Variants in DAPK1 observed in about 807,000 individuals in gnomAD.
DAPK1 encodes the protein death-associated protein kinase 1.
DAPK1 carries 56 observed loss-of-function variants against 144.9 expected under a neutral mutation model. The ratio of observed to expected loss-of-function variants is 0.39; its 90% CI spans 0.31 to 0.48. The LOEUF is 0.48. DAPK1 is among the 20% of genes least tolerant of loss of function. The pLI, the probability that DAPK1 is intolerant of heterozygous loss-of-function variation, is 0.95. For synonymous variants in DAPK1, 690 were observed against 749.0 expected, an observed-to-expected ratio of 0.92 and a Z score of 1.29; for missense variants, 1,454 against 1,875.4, an observed-to-expected ratio of 0.78 and a Z score of 4.15.
chr9:87,680,074 AT>A (rs1450869973), intron 19 of DAPK1, among the ~76,000 whole-genome samples: 39 of 151,470 alleles, frequency 2.6e-4, no homozygotes, highest in African/African-American at 9.4e-4. Context: ...TTAGTAATAT[AT>A]TAATATTTTA....
At chr9:87,576,956 A>G (rs1827584846) in intron 2 of DAPK1, among the ~76,000 whole-genome samples, 2 of 152,230 alleles carry the variant, frequency 1.3e-5, no homozygotes, top group Admixed American at 6.5e-5. Context: ...ATGGAAACAC[A>G]GGATCCAGCC....
At position 87,648,881 on chromosome 9, in the gene DAPK1, T is replaced by C; in HGVS notation, c.1428+2T>C. On this transcript the variant is annotated splice_donor_variant, in intron 15 of 25. Coordinates refer to ENST00000408954, the MANE Select transcript of DAPK1 (RefSeq NM_004938.4). LOFTEE classifies it high-confidence loss of function. ...TCAAATCCCAATATCCAGGACAAGG[T>C]GGGTCGTGACTGACATCCTCCCTTC... 6.2e-7 allele frequency: 1 copy of C among 1,613,656 alleles called. No individual in the cohort carries two copies. The highest frequency in any genetic ancestry group is 8.5e-7 in the Non-Finnish European group (1 of 1,179,536).
intron 19 of DAPK1, among the ~76,000 whole-genome samples, chr9:87,677,638 G>A (rs990368990): frequency 5.9e-5 from 9 of 152,182 alleles, no homozygotes; most frequent in East Asian, 1.9e-4. Flanking sequence ...AAGCAGACTC[G>A]GGCCGGTACC....
intron 23 of DAPK1, among the ~76,000 whole-genome samples, chr9:87,699,576 G>A (rs539193030): frequency 9.2e-5 from 14 of 152,132 alleles, no homozygotes; most frequent in African/African-American, 3.4e-4. Context: ...TTTACTCAGA[G>A]TCTATCAAAA....
At chr9:87,592,633 G>A (rs1247799073) in intron 2 of DAPK1, among the ~76,000 whole-genome samples, 2 of 152,142 alleles carry the variant, frequency 1.3e-5, no homozygotes, top group Non-Finnish European at 2.9e-5. Flanking sequence ...TCCTGGCCGT[G>A]GTGGATACAG....
At position 87,707,929 on chromosome 9, in the gene DAPK1, G is replaced by C; in HGVS notation, c.*565G>C. On this transcript the variant is annotated 3_prime_UTR_variant, in exon 26 of 26. Coordinates refer to ENST00000408954, the MANE Select transcript of DAPK1 (RefSeq NM_004938.4). The surrounding 1 kb of genome is among the most constrained non-coding windows in gnomAD (Gnocchi z 4.0). ...AGAAGAGGGTGTGTTTGAAATCATC[G>C]GAGTCAGCCAGGAGCTGTCACCAAG... 1 of 454,630 alleles carries C rather than the reference G, an allele frequency of 2.2e-6. No individual in the cohort carries two copies. The highest frequency in any genetic ancestry group is 1.6e-5 in the South Asian group (1 of 63,932). The allele number at this position is 454,630 out of a possible 1,614,324, so 28.2% of individuals were successfully genotyped here.
intron 2 of DAPK1, among the ~76,000 whole-genome samples, chr9:87,580,431 C>T (rs1163113723): frequency 6.6e-6 from 1 of 152,004 alleles, no homozygotes; most frequent in Non-Finnish European, 1.5e-5. Context: ...CGGGTGGTTC[C>T]CAGTGCAAAG....
At chr9:87,587,071 A>G (rs191999507) in intron 2 of DAPK1, among the ~76,000 whole-genome samples, 2 of 152,330 alleles carry the variant, frequency 1.3e-5, no homozygotes, top group East Asian at 3.9e-4. Context: ...TCCCTCACCT[A>G]AAGGTGAGAT....
At chr9:87,644,995 A>G (rs1032389807) in intron 11 of DAPK1, among the ~76,000 whole-genome samples, 1 of 152,200 alleles carries the variant, frequency 6.6e-6, no homozygotes, top group South Asian at 2.1e-4. Flanking sequence ...TAAAACCCAC[A>G]TGAAAAGTGT....
chr9:87,692,796 C>G (rs912325848), intron 21 of DAPK1, among the ~76,000 whole-genome samples: 2 of 152,018 alleles, frequency 1.3e-5, no homozygotes, highest in Non-Finnish European at 2.9e-5. Context: ...TTCTCCTTCA[C>G]TTATGAAGCA....
intron 9 of DAPK1, among the ~76,000 whole-genome samples, chr9:87,641,503 C>A (rs1587800752): frequency 6.6e-6 from 1 of 152,226 alleles, no homozygotes; most frequent in East Asian, 1.9e-4. Context: ...TCCTAGCCAG[C>A]TATGGTGTCT....
At chr9:87,682,458 A>T (rs1319322444) in intron 20 of DAPK1, among the ~76,000 whole-genome samples, 1 of 152,164 alleles carries the variant, frequency 6.6e-6, no homozygotes. Flanking sequence ...TCTGTATATG[A>T]TGTCACAGAA....
At chr9:87,639,243 C>G in intron 4 of DAPK1, 111 bp from the exon 5 acceptor site, 66 of 994,698 alleles carry the variant, frequency 6.6e-5, no homozygotes, top group Non-Finnish European at 8.9e-5. Flanking sequence ...ACCACCCTTT[C>G]TTCCCTACTT....
chr9:87,539,127 A>G (rs1430004373), intron 2 of DAPK1, among the ~76,000 whole-genome samples: 3 of 150,752 alleles, frequency 2.0e-5, no homozygotes, highest in Non-Finnish European at 4.5e-5. Flanking sequence ...ATGTATAAAC[A>G]TATGGATGCT....
chr9:87,545,698 A>G (rs1442046090), intron 2 of DAPK1, among the ~76,000 whole-genome samples: 2 of 152,058 alleles, frequency 1.3e-5, no homozygotes, highest in Non-Finnish European at 2.9e-5. Context: ...GGCATGCACC[A>G]CCACACCTGG....
chr9:87,669,167 C>CT (rs1340242229), intron 19 of DAPK1, among the ~76,000 whole-genome samples: 1 of 152,150 alleles, frequency 6.6e-6, no homozygotes, highest in Non-Finnish European at 1.5e-5. Flanking sequence ...TCTAGGAACT[C>CT]TGTTTTATGC....
At chr9:87,561,389 T>A (rs879762862) in intron 2 of DAPK1, among the ~76,000 whole-genome samples, 3 of 151,804 alleles carry the variant, frequency 2.0e-5, no homozygotes, top group Non-Finnish European at 4.4e-5. Flanking sequence ...AGCCGGGCGT[T>A]GTGGCGGGCG....
At position 87,639,458 on chromosome 9, in the gene DAPK1, CAT is replaced by C; in HGVS notation, c.531_532del (p.Phe178TrpfsTer9). On this transcript the variant is annotated frameshift_variant, in exon 5 of 26. Coordinates refer to ENST00000408954, the MANE Select transcript of DAPK1 (RefSeq NM_004938.4). Reference sequence around the variant, plus strand: ...TTGACTTTGGAAATGAATTTAAAAACATATTTGGGACTCCAGAGTTTGTCGGT... The same window carrying C: ...TTGACTTTGGAAATGAATTTAAAAACATTTGGGACTCCAGAGTTTGTCGGT... ...KIDFGNEFKN[I>X]FGTPEFVAPE... 1 of 1,613,306 alleles carries C rather than the reference CAT, an allele frequency of 6.2e-7. No individual in the cohort carries two copies. The highest frequency in any genetic ancestry group is 1.3e-5 in the African/African-American group (1 of 74,960).
At chr9:87,562,190 G>A (rs1357595156) in intron 2 of DAPK1, among the ~76,000 whole-genome samples, 2 of 152,204 alleles carry the variant, frequency 1.3e-5, no homozygotes, top group East Asian at 3.8e-4. Flanking sequence ...TCAGGTGATG[G>A]AACGAAGACA....
Sources: allele counts gnomAD v4.1 joint callset (sites outside exome capture counted in the v4.1 genomes callset), GRCh38; gene constraint gnomAD v4.1.1; non-coding constraint Gnocchi (gnomAD v3.1); transcripts MANE v1.5; gene names NCBI Gene and HGNC (gene_info 2026-07-23, HGNC 2026-07-21).